MANSC1: variants seen among roughly 807,000 people sequenced by gnomAD.
MANSC1 encodes MANSC domain-containing protein 1.
MANSC1 carries 13 observed loss-of-function variants against 14.1 expected under a neutral mutation model. That is an observed-to-expected ratio of 0.92 (90% CI 0.60 to 1.46). The LOEUF is 1.46. Among genes scored for constraint, MANSC1 ranks in the 40% most tolerant of loss-of-function variants. The pLI is 0.00. For missense variants in MANSC1, 486 were observed against 511.4 expected (o/e 0.95, Z 0.48); for synonymous variants, 227 against 200.7 (o/e 1.13, Z -1.11).
intron 2 of MANSC1, among the ~76,000 whole-genome samples, chr12:12,342,581 TTTG>T (rs1251951887): frequency 0.048 from 4,462 of 92,390 alleles, 225 homozygotes; most frequent in East Asian, 0.13. Context: ...TCAGTGTTTT[TTTG>T]TTTTTTTTTT....
chr12:12,331,614 G>T (rs1862790664), intron 3 of MANSC1, among the ~76,000 whole-genome samples: 1 of 152,104 alleles, frequency 6.6e-6, no homozygotes, highest in Non-Finnish European at 1.5e-5. Context: ...TTTCAGTGGG[G>T]GCATGAGGCA....
chr12:12,343,059 G>T, intron 2 of MANSC1, 33 bp downstream of exon 2: 1 of 1,497,936 alleles, frequency 6.7e-7, no homozygotes, highest in South Asian at 1.1e-5. Flanking sequence ...CAAAACACAT[G>T]GAACAAAGGA....
chr12:12,334,513 G>A (rs2160588), intron 3 of MANSC1, among the ~76,000 whole-genome samples: 13,616 of 152,130 alleles, frequency 0.09, 663 homozygotes, highest in Non-Finnish European at 0.11. Context: ...TGCATACTAT[G>A]TCCGGGGTTG....
intron 2 of MANSC1, among the ~76,000 whole-genome samples, chr12:12,342,584 GTTTTTTTTTT>G (rs760560592): frequency 2.4e-5 from 1 of 41,810 alleles, no homozygotes; most frequent in Non-Finnish European, 4.4e-5. Flanking sequence ...GTGTTTTTTT[GTTTTTTTTTT>G]TTTTTTTTTT....
chr12:12,341,860 C>T (rs1054602374), intron 2 of MANSC1, among the ~76,000 whole-genome samples: 8 of 152,188 alleles, frequency 5.3e-5, no homozygotes, highest in African/African-American at 1.9e-4. Flanking sequence ...GATGTGGTGG[C>T]GAACACCTGT....
intron 3 of MANSC1, among the ~76,000 whole-genome samples, chr12:12,332,947 C>A (rs61922024): frequency 0.099 from 15,038 of 151,988 alleles, 770 homozygotes; most frequent in Non-Finnish European, 0.11. Context: ...GCCTAAAATA[C>A]TATTTGGCCC....
rs577990441 is a variant in MANSC1 at position 12,331,274 on chromosome 12, C to T, written c.365-316G>A. On this transcript the variant is annotated intron_variant, in intron 3 of 3. Coordinates refer to ENST00000535902, the MANE Select transcript of MANSC1 (RefSeq NM_018050.4). Reference sequence around the variant, plus strand: ...TTGCTAAATGAGAATCTGATAACGCCGCCTCTCTACCAGATGCTGTGGTTT... The same window carrying T: ...TTGCTAAATGAGAATCTGATAACGCTGCCTCTCTACCAGATGCTGTGGTTT... Among the ~76,000 whole-genome samples the T allele has an allele frequency of 1.9e-3, 284 of 152,240 alleles. 2 individuals are homozygous for T. The highest frequency in any genetic ancestry group is 2.2e-3 in the Non-Finnish European group (149 of 68,030).
rs1555139837 is a variant in MANSC1, at chr12:12,328,984, T to TCTCACACACACA, written c.*1042_*1043insTGTGTGTGTGAG. 3.3e-4 allele frequency: 44 copies of TCTCACACACACA among 131,728 alleles called. No individual in the cohort carries two copies. Among genetic ancestry groups the TCTCACACACACA allele is most frequent in the African/African-American group, 1.2e-3 (41 of 35,046 alleles). The allele number at this position is 131,728 out of a possible 1,614,324, so 8.2% of individuals were successfully genotyped here. ...GCCTGGGTGACAGAGCAAGACTCTG[T>TCTCACACACACA]CACACACACACACACACACACACAC... On this transcript the variant is annotated 3_prime_UTR_variant, in exon 4 of 4. Coordinates refer to ENST00000535902, the MANE Select transcript of MANSC1 (RefSeq NM_018050.4).
At position 12,330,483 on chromosome 12, in the gene MANSC1, C is replaced by CAA. The variant is rs772692726; in HGVS notation, c.839_840insTT (p.Thr281Ter). On this transcript the variant is annotated frameshift_variant, in exon 4 of 4. Coordinates refer to ENST00000535902, the MANE Select transcript of MANSC1 (RefSeq NM_018050.4). LOFTEE classifies it low-confidence loss of function (END_TRUNC). ...GTGTAAAAACTGTAGAAATGAGGGT[C>CAA]GTGGGAGGCTGAGAAGTGACAGTGG... 3.9e-4 allele frequency: 634 copies of CAA among 1,613,958 alleles called. No individual in the cohort carries two copies. The highest frequency in any genetic ancestry group is 5.1e-4 in the Non-Finnish European group (596 of 1,180,022).
intron 1 of MANSC1, chr12:12,348,355 T>C (rs1162481103): frequency 6.6e-6 from 1 of 152,076 alleles, no homozygotes. Context: ...ATCCATACAT[T>C]GGAATATTAC....
chr12:12,342,449 C>T (rs1477817515), intron 2 of MANSC1, among the ~76,000 whole-genome samples: 8 of 152,056 alleles, frequency 5.3e-5, no homozygotes, highest in Non-Finnish European at 1.2e-4. Flanking sequence ...TACTTAAATC[C>T]TAAAATATGC....
chr12:12,349,471 C>T (rs1057349940), intron 1 of MANSC1, among the ~76,000 whole-genome samples: 1 of 152,066 alleles, frequency 6.6e-6, no homozygotes, highest in Admixed American at 6.5e-5. Context: ...ATTAGGTTAG[C>T]GACGTTTTCT....
chr12:12,338,870 T>C (rs955482076), intron 2 of MANSC1: 10 of 320,206 alleles, frequency 3.1e-5, no homozygotes, highest in Non-Finnish European at 5.1e-5. Context: ...CTGAAAGGCA[T>C]CCACAACCAC....
chr12:12,342,177 A>C (rs1429884262), intron 2 of MANSC1, among the ~76,000 whole-genome samples: 1 of 152,230 alleles, frequency 6.6e-6, no homozygotes, highest in Non-Finnish European at 1.5e-5. Context: ...TCCTGGGCTC[A>C]AGCAATCCTC....
chr12:12,346,004 T>C (rs1014665544), intron 1 of MANSC1, among the ~76,000 whole-genome samples: 7 of 152,328 alleles, frequency 4.6e-5, no homozygotes, highest in Admixed American at 4.6e-4. Flanking sequence ...CCAGGCGCCA[T>C]GGCTCAAGCC....
intron 1 of MANSC1, among the ~76,000 whole-genome samples, chr12:12,346,687 C>A (rs1375705384): frequency 6.6e-6 from 1 of 152,146 alleles, no homozygotes; most frequent in African/African-American, 2.4e-5. Flanking sequence ...ATAAATAAAT[C>A]TAGCCACATA....
chr12:12,339,255 TA>T (rs1383969024), intron 2 of MANSC1: 3 of 152,366 alleles, frequency 2.0e-5, no homozygotes, highest in Non-Finnish European at 2.9e-5. Context: ...TGGGATTATT[TA>T]TTTTTTTTAT....
At chr12:12,349,811 G>C (rs1181994636) in intron 1 of MANSC1, among the ~76,000 whole-genome samples, 1 of 152,232 alleles carries the variant, frequency 6.6e-6, no homozygotes, top group Non-Finnish European at 1.5e-5. Context: ...GTTGCCTACT[G>C]AGCTATTCTT....
chr12:12,334,210 G>T (rs968593924), intron 3 of MANSC1, among the ~76,000 whole-genome samples: 1 of 150,964 alleles, frequency 6.6e-6, no homozygotes, highest in African/African-American at 2.4e-5. Context: ...AGCCATGATC[G>T]CGCCGCTGCA....
Sources: allele counts gnomAD v4.1 joint callset (sites outside exome capture counted in the v4.1 genomes callset), GRCh38; gene constraint gnomAD v4.1.1; transcripts MANE v1.5; gene names NCBI Gene and HGNC (gene_info 2026-07-23, HGNC 2026-07-21).